NAALADL2: variants seen among roughly 807,000 people sequenced by gnomAD.
NAALADL2 encodes the protein N-acetylated alpha-linked acidic dipeptidase like 2, also known as inactive N-acetylated-alpha-linked acidic dipeptidase-like protein 2.
A neutral mutation model predicts 87.2 loss-of-function variants in NAALADL2; 76 were observed. That is an observed-to-expected ratio of 0.87 (90% confidence interval 0.72 to 1.05). The LOEUF is 1.05. Ranked by LOEUF, NAALADL2 falls within the 50% of genes least tolerant of loss-of-function variation. The probability of loss-of-function intolerance (pLI) is 0.00; values close to 1 mark genes in which losing one functional copy is unlikely to be tolerated. For synonymous variants in NAALADL2, 354 were observed against 331.0 expected (o/e 1.07, Z -0.75); for missense variants, 1,089 against 945.8 (o/e 1.15, Z -1.99).
chr3:175,117,220 A>G (rs1280583496), intron 2 of NAALADL2, among the ~76,000 whole-genome samples: 1 of 152,152 alleles, frequency 6.6e-6, no homozygotes, highest in Non-Finnish European at 1.5e-5. Context: ...TTCATGTCTA[A>G]AAAACCAAAA....
intron 10 of NAALADL2, among the ~76,000 whole-genome samples, chr3:175,579,991 C>A (rs1164082863): frequency 6.6e-6 from 1 of 152,078 alleles, no homozygotes; most frequent in African/African-American, 2.4e-5. Flanking sequence ...TTGAAACATT[C>A]TATTTTAAAC....
chr3:175,439,036 T>C (rs1026156695), intron 5 of NAALADL2, among the ~76,000 whole-genome samples: 3 of 152,128 alleles, frequency 2.0e-5, no homozygotes, highest in African/African-American at 7.2e-5. Flanking sequence ...CAAAGTCCGC[T>C]GTATGATCCT....
intron 1 of NAALADL2, among the ~76,000 whole-genome samples, chr3:175,058,233 T>C (rs1163062584): frequency 6.6e-6 from 1 of 152,222 alleles, no homozygotes; most frequent in Non-Finnish European, 1.5e-5. Context: ...AACCTGGAGT[T>C]TTCTAAATCC....
intron 2 of NAALADL2, among the ~76,000 whole-genome samples, chr3:174,685,503 G>T (rs534986056): frequency 6.6e-6 from 1 of 152,146 alleles, no homozygotes; most frequent in African/African-American, 2.4e-5. Flanking sequence ...TCATGGAGCA[G>T]CTAGAGAAAT....
At chr3:175,433,907 ATCTGTGTC>A (rs1183791123) in intron 5 of NAALADL2, among the ~76,000 whole-genome samples, 7 of 151,990 alleles carry the variant, frequency 4.6e-5, no homozygotes, top group African/African-American at 1.2e-4. Context: ...GAAATGATGA[ATCTGTGTC>A]TCATTAACCA....
At chr3:174,825,413 G>C (rs1366387055) in intron 3 of NAALADL2, among the ~76,000 whole-genome samples, 1 of 152,178 alleles carries the variant, frequency 6.6e-6, no homozygotes, top group Non-Finnish European at 1.5e-5. Context: ...CTCAGCCTAA[G>C]GAGAGGGAGA....
At chr3:174,655,032 G>A (rs143596401) in intron 2 of NAALADL2, among the ~76,000 whole-genome samples, 9 of 152,184 alleles carry the variant, frequency 5.9e-5, no homozygotes, top group African/African-American at 1.9e-4. Flanking sequence ...TACCGTGCCT[G>A]GCCTATTTTA....
chr3:175,423,680 G>C (rs1014672120), intron 5 of NAALADL2, among the ~76,000 whole-genome samples: 2 of 152,104 alleles, frequency 1.3e-5, no homozygotes, highest in Non-Finnish European at 2.9e-5. Context: ...GGACATTTGG[G>C]TTGGTTCCAA....
intron 2 of NAALADL2, among the ~76,000 whole-genome samples, chr3:175,123,631 A>G (rs746971367): frequency 1.3e-5 from 2 of 151,836 alleles, no homozygotes; most frequent in South Asian, 2.1e-4. Flanking sequence ...TTTACTTTCC[A>G]TGTGTTCTTA....
At chr3:175,512,614 C>A (rs1456537094) in intron 9 of NAALADL2, among the ~76,000 whole-genome samples, 1 of 152,050 alleles carries the variant, frequency 6.6e-6, no homozygotes, top group African/African-American at 2.4e-5. Context: ...ATGAAAGACA[C>A]AAGATGGAAG....
At chr3:174,964,213 C>G (rs897498164) in intron 1 of NAALADL2, among the ~76,000 whole-genome samples, 5 of 152,000 alleles carry the variant, frequency 3.3e-5, no homozygotes, top group Admixed American at 6.6e-5. Context: ...ATCCCCTTTA[C>G]CTAGCGCTGG....
In NAALADL2 at chr3:174,587,076, A is replaced by G. The variant is rs145678867; in HGVS notation, c.-115+36439A>G. ...TCACTTCTCACCTATGAGTGAGGACATGCGGAGTTTGGTTTTCTGTCCTTG... is the reference window on the plus strand; with the variant it reads ...TCACTTCTCACCTATGAGTGAGGACGTGCGGAGTTTGGTTTTCTGTCCTTG... On this transcript the variant is annotated intron_variant, in intron 2 of 3. Coordinates refer to the NAALADL2 transcript ENST00000434257. Among the ~76,000 whole-genome samples, 22 of 150,744 alleles carry G rather than the reference A, an allele frequency of 1.5e-4. No individual in the cohort carries two copies. In the East Asian group the frequency reaches 4.4e-3, roughly 30 times the overall value.
chr3:175,476,857 A>G (rs1487155307), intron 9 of NAALADL2, among the ~76,000 whole-genome samples: 1 of 152,150 alleles, frequency 6.6e-6, no homozygotes, highest in East Asian at 1.9e-4. Flanking sequence ...TTCAAGTAAC[A>G]GAGATATTTA....
chr3:175,665,299 G>A (rs1348813626), intron 11 of NAALADL2, among the ~76,000 whole-genome samples: 1 of 152,182 alleles, frequency 6.6e-6, no homozygotes, highest in East Asian at 1.9e-4. Context: ...GCCTGAAAAT[G>A]AGTATCTTTT....
intron 2 of NAALADL2, among the ~76,000 whole-genome samples, chr3:174,557,249 C>G (rs529941334): frequency 6.6e-6 from 1 of 151,966 alleles, no homozygotes; most frequent in Non-Finnish European, 1.5e-5. Flanking sequence ...AAATAGTTGA[C>G]CTACATGCCA....
At chr3:174,895,765 A>G (rs1731441790) in intron 1 of NAALADL2, among the ~76,000 whole-genome samples, 2 of 152,120 alleles carry the variant, frequency 1.3e-5, no homozygotes, top group Admixed American at 6.5e-5. Context: ...CTGCAGGCCA[A>G]TAACTCTGAT....
chr3:174,495,832 T>C (rs1399881034), intron 1 of NAALADL2, among the ~76,000 whole-genome samples: 1 of 152,172 alleles, frequency 6.6e-6, no homozygotes, highest in Non-Finnish European at 1.5e-5. Flanking sequence ...TCAATTTCAG[T>C]GGAACTGTTT....
At chr3:174,543,347 A>G (rs1233335219) in intron 1 of NAALADL2, among the ~76,000 whole-genome samples, 1 of 152,178 alleles carries the variant, frequency 6.6e-6, no homozygotes, top group Admixed American at 6.5e-5. Flanking sequence ...GAAGAAATAC[A>G]GTCTAAGTAA....
intron 4 of NAALADL2, among the ~76,000 whole-genome samples, chr3:175,300,788 T>TTTATTTA (rs1373003655): frequency 6.7e-4 from 76 of 112,630 alleles, no homozygotes; most frequent in African/African-American, 2.7e-3. Flanking sequence ...TATTTATTTA[T>TTTATTTA]TTTATTTTAT....
Sources: gnomAD v4.1 joint callset for allele counts (sites outside exome capture counted in the v4.1 genomes callset) on GRCh38, gnomAD v4.1.1 for gene constraint, MANE v1.5 for transcripts, NCBI Gene and HGNC (gene_info 2026-07-23, HGNC 2026-07-21) for gene names.